The following UGT1A8 variants were observed in gnomAD, a reference collection of about 807,000 sequenced individuals.
The protein encoded by UGT1A8 is UDP-glucuronosyltransferase 1A8.
A neutral mutation model predicts 45.3 loss-of-function variants in UGT1A8; 39 were observed. That is an observed-to-expected ratio of 0.86 (90% CI 0.67 to 1.12). The LOEUF is 1.12. Among genes scored for constraint, UGT1A8 ranks in the 50% most tolerant of loss-of-function variants. The pLI is 0.00. For synonymous variants in UGT1A8, 275 were observed against 249.2 expected, an observed-to-expected ratio of 1.10 and a Z score of -0.97; for missense variants, 719 against 664.9, an observed-to-expected ratio of 1.08 and a Z score of -0.90.
intron 1 of UGT1A8, among the ~76,000 whole-genome samples, chr2:233,670,905 G>A (rs566727432): frequency 2.6e-5 from 4 of 152,280 alleles, no homozygotes; most frequent in East Asian, 1.9e-4. Flanking sequence ...TGTTCTTGCC[G>A]AGGCCTTCTT....
chr2:233,761,002 C>G, intron 1 of UGT1A8: 3 of 1,614,176 alleles, frequency 1.9e-6, no homozygotes, highest in Non-Finnish European at 2.5e-6. Flanking sequence ...AGAATTCCTT[C>G]AGAGAGAGGT....
At chr2:233,636,701 C>A (rs746748639) in intron 1 of UGT1A8, 1 of 1,614,042 alleles carries the variant, frequency 6.2e-7, no homozygotes, top group Non-Finnish European at 8.5e-7. Context: ...GTAGTCATGC[C>A]AGAGGTGAGT....
At chr2:233,658,507 T>A (rs1406687081) in intron 1 of UGT1A8, among the ~76,000 whole-genome samples, 2 of 152,234 alleles carry the variant, frequency 1.3e-5, no homozygotes, top group Non-Finnish European at 2.9e-5. Flanking sequence ...GCCCCCTTCA[T>A]CTCCTGTACC....
At position 233,768,372 on chromosome 2, in the gene UGT1A8, C is replaced by A; in HGVS notation, c.1228C>A (p.Leu410Met). 1 of 1,614,130 alleles carries A rather than the reference C, an allele frequency of 6.2e-7. No homozygotes were observed. The highest frequency in any genetic ancestry group is 8.5e-7 in the Non-Finnish European group (1 of 1,180,038). The change falls in exon 4 of 5, where the codon CTG becomes ATG. Residue 410 changes from leucine (L) to methionine (M), a missense_variant. By Grantham distance (15) the Leu-to-Met change is conservative. Coordinates refer to ENST00000373450, the MANE Select transcript of UGT1A8 (RefSeq NM_019076.5). The part of the protein sequence containing the change: ...RMETKGAGVT[L>M]NVLEMTSEDL... ...GGAGACTAAGGGAGCTGGAGTGACC[C>A]TGAATGTTCTGGAAATGACTTCTGA...
At position 233,670,983 on chromosome 2, in the gene UGT1A8, T is replaced by G. The variant is rs1375000973; in HGVS notation, c.855+52421T>G. 2.0e-5 allele frequency among the ~76,000 whole-genome samples: 3 copies of G among 152,192 alleles called. No individual in the cohort carries two copies. In the East Asian group the frequency reaches 5.8e-4, roughly 29 times the overall value. ...TAAGGCTTGGAGGCTAGCAGGCTTATGGATGGGGGCAGTCCTATTTGTAAA... is the reference window on the plus strand; with the variant it reads ...TAAGGCTTGGAGGCTAGCAGGCTTAGGGATGGGGGCAGTCCTATTTGTAAA... On this transcript the variant is annotated intron_variant, in intron 1 of 4. Coordinates refer to ENST00000373450, the MANE Select transcript of UGT1A8 (RefSeq NM_019076.5).
chr2:233,660,141 A>C (rs1431749041), intron 1 of UGT1A8, among the ~76,000 whole-genome samples: 1 of 152,198 alleles, frequency 6.6e-6, no homozygotes, highest in African/African-American at 2.4e-5. Flanking sequence ...CTGCAGCGAT[A>C]ATGTATTGTT....
intron 1 of UGT1A8, among the ~76,000 whole-genome samples, chr2:233,709,209 C>T (rs2076065092): frequency 6.6e-6 from 1 of 152,114 alleles, no homozygotes. Flanking sequence ...ACCAGAAGTA[C>T]ATTTGAGAGT....
intron 1 of UGT1A8, among the ~76,000 whole-genome samples, chr2:233,661,451 T>G (rs1489081755): frequency 6.6e-6 from 1 of 152,152 alleles, no homozygotes; most frequent in Non-Finnish European, 1.5e-5. Flanking sequence ...AACCCACAGA[T>G]GGAATCCTAG....
At position 233,671,902 on chromosome 2, in the gene UGT1A8, T is replaced by G. The variant is rs377206386; in HGVS notation, c.855+53340T>G. On this transcript the variant is annotated intron_variant, in intron 1 of 4. Coordinates refer to ENST00000373450, the MANE Select transcript of UGT1A8 (RefSeq NM_019076.5). ...CCTACTGTATCATAGGAGCTTAGAT[T>G]CCCAGCTGCTTGCTCTCAGCTGCAG... 234 of 1,575,526 alleles carry G rather than the reference T, an allele frequency of 1.5e-4. No homozygotes were observed. The African/African-American group carries it at 2.8e-3, about 19-fold the overall frequency.
In UGT1A8 at chr2:233,629,595, T is replaced by A. The variant is rs533927260; in HGVS notation, c.855+11033T>A. On this transcript the variant is annotated intron_variant, in intron 1 of 4. Transcript: ENST00000373450. Reference sequence around the variant, plus strand: ...GGTCTGTAATTTTCCTATCTTTTAATGTCTTTTTCTGGTTTTGGTACTGTG... The same window carrying A: ...GGTCTGTAATTTTCCTATCTTTTAAAGTCTTTTTCTGGTTTTGGTACTGTG... Among the ~76,000 whole-genome samples the A allele has an allele frequency of 2.6e-5, 4 of 152,218 alleles. No individual in the cohort carries two copies. In the East Asian group the frequency reaches 7.7e-4, roughly 29 times the overall value.
At chr2:233,671,881 C>G (rs2074201598) in intron 1 of UGT1A8, 2 of 1,539,292 alleles carry the variant, frequency 1.3e-6, no homozygotes, top group South Asian at 2.6e-5. Flanking sequence ...CTCCCACCTA[C>G]TGTATCATAG....
chr2:233,684,774 C>A (rs1250400105), intron 1 of UGT1A8, among the ~76,000 whole-genome samples: 2 of 151,864 alleles, frequency 1.3e-5, no homozygotes, highest in Non-Finnish European at 2.9e-5. Flanking sequence ...ATAAAGAGTG[C>A]CCTTTGGCAA....
intron 1 of UGT1A8, among the ~76,000 whole-genome samples, chr2:233,688,946 C>A (rs909288341): frequency 6.6e-6 from 1 of 152,150 alleles, no homozygotes; most frequent in Non-Finnish European, 1.5e-5. Flanking sequence ...CAGCATGAAG[C>A]CAAATGTTTG....
chr2:233,693,254 C>A, intron 1 of UGT1A8: 1 of 1,614,058 alleles, frequency 6.2e-7, no homozygotes, highest in African/African-American at 1.3e-5. Flanking sequence ...GCCGTATGAC[C>A]AAGAAGAGCT....
chr2:233,716,275 C>T (rs1026616764), intron 1 of UGT1A8, among the ~76,000 whole-genome samples: 2 of 152,138 alleles, frequency 1.3e-5, no homozygotes, highest in African/African-American at 2.4e-5. Flanking sequence ...ATGTCAAAAC[C>T]CTTAATATAA....
Position 233,617,958 on chromosome 2 carries a change from A to T in UGT1A8, c.251A>T (p.Glu84Val). The change falls in exon 1 of 5, where the codon GAG becomes GTG. Residue 84 changes from glutamate to valine, a missense_variant. Coordinates refer to ENST00000373450, the MANE Select transcript of UGT1A8 (RefSeq NM_019076.5). ...VKTYSTSYTL[E>V]DLDREFMDFA... ...ACTTACTCAACCTCATACACTCTGG[A>T]GGATCTGGACCGGGAATTCATGGAT... 1.2e-6 allele frequency: 2 copies of T among 1,614,192 alleles called. No homozygotes were observed. Among genetic ancestry groups the T allele is most frequent in the Non-Finnish European group, 1.7e-6 (2 of 1,180,042 alleles).
At chr2:233,755,786 A>T (rs1696022077) in intron 1 of UGT1A8, 1 of 152,524 alleles carries the variant, frequency 6.6e-6, no homozygotes, top group Non-Finnish European at 1.5e-5. Flanking sequence ...TGCCTATCAT[A>T]TGTACTGCAT....
chr2:233,639,759 C>T (rs1458374460), intron 1 of UGT1A8, among the ~76,000 whole-genome samples: 1 of 152,166 alleles, frequency 6.6e-6, no homozygotes, highest in Non-Finnish European at 1.5e-5. Flanking sequence ...CAGATGGCCC[C>T]ATCTCCAATT....
intron 1 of UGT1A8, chr2:233,648,904 T>C: frequency 2.2e-6 from 3 of 1,337,534 alleles, no homozygotes; most frequent in African/African-American, 1.5e-5. Flanking sequence ...ATATGATCTC[T>C]ACAGCCACAC....
Sources: allele counts gnomAD v4.1 joint callset (sites outside exome capture counted in the v4.1 genomes callset), GRCh38; gene constraint gnomAD v4.1.1; transcripts MANE v1.5; gene names NCBI Gene and HGNC (gene_info 2026-07-23, HGNC 2026-07-21).